CACHD1: variants seen among roughly 807,000 people sequenced by gnomAD.
The protein encoded by CACHD1 is cache domain containing 1, also known as VWFA and cache domain-containing protein 1.
In CACHD1, 71 loss-of-function variants were observed where a neutral mutation model predicts 138.7. That is an observed-to-expected ratio of 0.51 (90% CI 0.42 to 0.62). The LOEUF (loss-of-function observed/expected upper bound fraction) is 0.62, where lower values mean the gene tolerates loss of function less well. Ranked by LOEUF, CACHD1 falls within the 20% of genes least tolerant of loss-of-function variation. CACHD1 has a pLI of 0.00. For missense variants in CACHD1, 1,389 were observed against 1,625.3 expected (o/e 0.85, Z 2.50); for synonymous variants, 578 against 591.5 (o/e 0.98, Z 0.33).
intron 2 of CACHD1, among the ~76,000 whole-genome samples, chr1:64,558,568 C>T (rs552959292): frequency 6.6e-6 from 1 of 152,290 alleles, no homozygotes; most frequent in Admixed American, 6.5e-5. Context: ...AAGCAATAAC[C>T]ATCCTGGACA....
chr1:64,682,867 TG>T (rs1650238371), intron 26 of CACHD1, among the ~76,000 whole-genome samples: 1 of 151,192 alleles, frequency 6.6e-6, no homozygotes, highest in Non-Finnish European at 1.5e-5. Flanking sequence ...ATATAACAGA[TG>T]TGGGTAGTGT....
At chr1:64,521,662 TGTAA>T (rs1646498915) in intron 1 of CACHD1, among the ~76,000 whole-genome samples, 1 of 152,368 alleles carries the variant, frequency 6.6e-6, no homozygotes, top group South Asian at 2.1e-4. Flanking sequence ...ATAATGCTGC[TGTAA>T]GTGTTTGTGT....
At chr1:64,529,340 A>G (rs1205692306) in intron 1 of CACHD1, among the ~76,000 whole-genome samples, 1 of 152,058 alleles carries the variant, frequency 6.6e-6, no homozygotes, top group Non-Finnish European at 1.5e-5. Flanking sequence ...TCAAAATGGA[A>G]CCTATCATTG....
Position 64,691,456 on chromosome 1 carries a change from A to C in CACHD1, c.3720A>C (p.Leu1240=), listed in dbSNP as rs754816136. The C allele has an allele frequency of 1.2e-6, 2 of 1,614,094 alleles. No individual in the cohort carries two copies. The highest frequency in any genetic ancestry group is 2.7e-5 in the African/African-American group (2 of 75,022). The change falls in exon 27 of 27, where the codon CTA becomes CTC. Residue 1240 remains leucine (L), a synonymous_variant. Transcript: ENST00000651257. ...ATACCCCCCCTCAGACTGCTGCCCT[A>C]CTAAGTCACAAGTTCCACCACTACC... ...DLDTPPQTAA[L]LSHKFHHYRS...
At chr1:64,675,824 GC>G in intron 20 of CACHD1, 72 bp from the exon 21 acceptor site, 1 of 973,548 alleles carries the variant, frequency 1.0e-6, no homozygotes, top group Non-Finnish European at 1.5e-6. Flanking sequence ...TCATTATTTT[GC>G]TTCCCCAGCA....
intron 1 of CACHD1, among the ~76,000 whole-genome samples, chr1:64,535,868 A>C (rs1404527170): frequency 6.6e-6 from 1 of 152,126 alleles, no homozygotes; most frequent in Non-Finnish European, 1.5e-5. Context: ...TGCCTTTTAT[A>C]ACAAGCAATC....
chr1:64,674,377 G>C (rs551850991), intron 19 of CACHD1, among the ~76,000 whole-genome samples: 2 of 152,186 alleles, frequency 1.3e-5, no homozygotes, highest in African/African-American at 4.8e-5. Context: ...AGGAAAGTCT[G>C]ACTTATTCTG....
chr1:64,493,605 G>A (rs1646290615), intron 1 of CACHD1, among the ~76,000 whole-genome samples: 1 of 152,176 alleles, frequency 6.6e-6, no homozygotes, highest in South Asian at 2.1e-4. Flanking sequence ...CAATGCAAGT[G>A]GAGGAAAGGA....
At chr1:64,472,848 C>T (rs1312455520) in intron 1 of CACHD1, among the ~76,000 whole-genome samples, 3 of 151,416 alleles carry the variant, frequency 2.0e-5, no homozygotes, top group Admixed American at 2.0e-4. Flanking sequence ...TCTTAGGATT[C>T]CCCCCTATCC....
chr1:64,528,367 T>C (rs1385575842), intron 1 of CACHD1, among the ~76,000 whole-genome samples: 1 of 152,176 alleles, frequency 6.6e-6, no homozygotes, highest in Non-Finnish European at 1.5e-5. Context: ...ATGAATGAGT[T>C]TTAGAAAACC....
chr1:64,510,517 A>G (rs980136146), intron 1 of CACHD1, among the ~76,000 whole-genome samples: 9 of 152,234 alleles, frequency 5.9e-5, no homozygotes, highest in African/African-American at 2.2e-4. Flanking sequence ...CCAGGTATTC[A>G]CAGTCGCCTT....
chr1:64,656,684 G>C (rs1440860109), intron 12 of CACHD1, among the ~76,000 whole-genome samples: 1 of 152,014 alleles, frequency 6.6e-6, no homozygotes, highest in African/African-American at 2.4e-5. Context: ...GTAGTAATCA[G>C]GTAGTCACTT....
chr1:64,525,746 G>T (rs1051929815), intron 1 of CACHD1, among the ~76,000 whole-genome samples: 3 of 152,038 alleles, frequency 2.0e-5, no homozygotes, highest in African/African-American at 7.2e-5. Context: ...TTTTCTTTAG[G>T]TAATGGCAAC....
chr1:64,552,253 T>G (rs1646764723), intron 2 of CACHD1, among the ~76,000 whole-genome samples: 1 of 152,158 alleles, frequency 6.6e-6, no homozygotes, highest in Admixed American at 6.5e-5. Flanking sequence ...ACCTGCTGAC[T>G]GAGCACTTAT....
At chr1:64,679,242 G>A (rs1650089511) in intron 23 of CACHD1, among the ~76,000 whole-genome samples, 1 of 152,146 alleles carries the variant, frequency 6.6e-6, no homozygotes, top group African/African-American at 2.4e-5. Context: ...CTCTGTACTA[G>A]GTGACTTTTC....
At chr1:64,531,366 C>T (rs1038602820) in intron 1 of CACHD1, among the ~76,000 whole-genome samples, 1 of 152,136 alleles carries the variant, frequency 6.6e-6, no homozygotes, top group Non-Finnish European at 1.5e-5. Context: ...ATTAATTAGG[C>T]TTGAAGAGAT....
intron 2 of CACHD1, among the ~76,000 whole-genome samples, chr1:64,553,783 G>T (rs1275821323): frequency 6.6e-6 from 1 of 151,684 alleles, no homozygotes; most frequent in Non-Finnish European, 1.5e-5. Context: ...TTTTTGTTTT[G>T]ATTTGTTTTA....
At chr1:64,613,677 A>G (rs1647609030) in intron 4 of CACHD1, among the ~76,000 whole-genome samples, 2 of 152,090 alleles carry the variant, frequency 1.3e-5, no homozygotes, top group African/African-American at 2.4e-5. Context: ...ACTTTCTGCT[A>G]TTTATCCTCT....
At chr1:64,642,618 G>T (rs1179975644) in intron 8 of CACHD1, among the ~76,000 whole-genome samples, 1 of 152,092 alleles carries the variant, frequency 6.6e-6, no homozygotes, top group South Asian at 2.1e-4. Context: ...CAACCTGTCC[G>T]CTAGTCTGAG....
Sources: allele counts gnomAD v4.1 joint callset (sites outside exome capture counted in the v4.1 genomes callset), GRCh38; gene constraint gnomAD v4.1.1; transcripts MANE v1.5; gene names NCBI Gene and HGNC (gene_info 2026-07-23, HGNC 2026-07-21).